AKT3: variants seen among roughly 807,000 people sequenced by gnomAD.
The protein encoded by AKT3 is RAC-gamma serine/threonine-protein kinase.
Under a neutral mutation model 65.3 loss-of-function variants are expected in AKT3, and 15 were observed. That is an observed-to-expected ratio of 0.23 (90% CI 0.15 to 0.35). The LOEUF is 0.35. Ranked by LOEUF, AKT3 falls within the 10% of genes least tolerant of loss-of-function variation. AKT3 has a pLI of 1.00. For missense variants in AKT3, 243 were observed against 576.5 expected (o/e 0.42, Z 5.92); for synonymous variants, 206 against 183.8 (o/e 1.12, Z -0.98).
At chr1:243,547,016 A>T (rs1672720111) in intron 11 of AKT3, 1 of 152,234 alleles carries the variant, frequency 6.6e-6, no homozygotes, top group African/African-American at 2.4e-5. Context: ...ATGGTGGAAG[A>T]AGATTCATTT....
chr1:243,834,849 A>G (rs1465826817), intron 2 of AKT3, among the ~76,000 whole-genome samples: 1 of 152,180 alleles, frequency 6.6e-6, no homozygotes, highest in Non-Finnish European at 1.5e-5. Flanking sequence ...AGTGTAAATG[A>G]CCATACTTTT....
chr1:243,546,303 T>C (rs926573808), intron 11 of AKT3, among the ~76,000 whole-genome samples: 8 of 152,162 alleles, frequency 5.3e-5, no homozygotes, highest in Non-Finnish European at 8.8e-5. Context: ...TATTTCTTCA[T>C]AGCAGAATGA....
chr1:243,572,479 A>G (rs1674633488), intron 9 of AKT3, among the ~76,000 whole-genome samples: 2 of 152,224 alleles, frequency 1.3e-5, no homozygotes, highest in African/African-American at 4.8e-5. Flanking sequence ...TTTCATAAAT[A>G]AAACACGAGG....
chr1:243,641,689 A>G (rs1005940118), intron 5 of AKT3, among the ~76,000 whole-genome samples: 87 of 152,096 alleles, frequency 5.7e-4, no homozygotes, highest in Non-Finnish European at 7.2e-4. Flanking sequence ...TAATCCCACA[A>G]TTTGAAAGAC....
intron 13 of AKT3, among the ~76,000 whole-genome samples, chr1:243,508,918 C>T (rs191256044): frequency 4.1e-4 from 62 of 152,114 alleles, no homozygotes; most frequent in African/African-American, 1.2e-3. Context: ...GTGATCCACC[C>T]GCCTTGGCCT....
chr1:243,773,078 T>C (rs1210135225), intron 2 of AKT3, among the ~76,000 whole-genome samples: 7 of 150,436 alleles, frequency 4.7e-5, no homozygotes, highest in Admixed American at 1.3e-4. Context: ...AGGAGATATA[T>C]CTAATGTAAA....
At chr1:243,723,063 A>C (rs888546949) in intron 2 of AKT3, among the ~76,000 whole-genome samples, 1 of 152,216 alleles carries the variant, frequency 6.6e-6, no homozygotes, top group Non-Finnish European at 1.5e-5. Flanking sequence ...AATAAATCAT[A>C]AACATTTTTC....
chr1:243,624,116 T>C (rs922347955), intron 6 of AKT3, among the ~76,000 whole-genome samples: 2 of 152,136 alleles, frequency 1.3e-5, no homozygotes, highest in East Asian at 3.9e-4. Context: ...GTAGGACTCA[T>C]TAAAGCATGG....
In AKT3 at chr1:243,781,908, G is replaced by A. The variant is rs755336368; in HGVS notation, c.46+61217C>T. On this transcript the variant is annotated intron_variant, in intron 2 of 13. Transcript: ENST00000673466. Reference sequence around the variant, plus strand: ...CACAATCACAGCTCACTGCAGCCTCGACCTTCTGAGCCCAAGCAATCCTCC... The same window carrying A: ...CACAATCACAGCTCACTGCAGCCTCAACCTTCTGAGCCCAAGCAATCCTCC... Among the ~76,000 whole-genome samples the A allele has an allele frequency of 2.6e-5, 4 of 152,090 alleles. No individual in the cohort carries two copies. The East Asian group carries it at 5.8e-4, about 22-fold the overall frequency.
intron 8 of AKT3, among the ~76,000 whole-genome samples, chr1:243,601,850 A>C (rs1677028411): frequency 6.6e-6 from 1 of 152,204 alleles, no homozygotes; most frequent in Admixed American, 6.5e-5. Context: ...TTTGATATTT[A>C]AATACTGTTT....
chr1:243,592,073 C>A (rs1676265694), intron 8 of AKT3, among the ~76,000 whole-genome samples: 1 of 152,140 alleles, frequency 6.6e-6, no homozygotes, highest in African/African-American at 2.4e-5. Flanking sequence ...CGGTAGCTCA[C>A]ACGTGTAATC....
At chr1:243,496,329 C>T (rs550478760), downstream of AKT3, among the ~76,000 whole-genome samples, 2 of 152,268 alleles carry the variant, frequency 1.3e-5, no homozygotes, top group East Asian at 1.9e-4. Flanking sequence ...GCCCAGAACA[C>T]GAGGCGGAGG....
At chr1:243,595,980 C>A (rs981374253) in intron 8 of AKT3, among the ~76,000 whole-genome samples, 1 of 152,222 alleles carries the variant, frequency 6.6e-6, no homozygotes, top group African/African-American at 2.4e-5. Flanking sequence ...ACCGGCAGCA[C>A]AGGTTTGCTT....
intron 2 of AKT3, among the ~76,000 whole-genome samples, chr1:243,768,001 G>C (rs973974941): frequency 3.3e-5 from 5 of 150,882 alleles, no homozygotes; most frequent in African/African-American, 1.2e-4. Context: ...TAGAGAGGGG[G>C]AAAAAAATAA....
intron 10 of AKT3, 121 bp downstream of exon 10, chr1:243,563,599 G>C (rs1373145400): frequency 7.9e-7 from 1 of 1,263,430 alleles, no homozygotes; most frequent in African/African-American, 1.5e-5. Context: ...AAAAAATTTT[G>C]ATTCAGGTTG....
intron 2 of AKT3, among the ~76,000 whole-genome samples, chr1:243,820,153 T>G (rs1330561140): frequency 6.6e-6 from 1 of 152,130 alleles, no homozygotes; most frequent in Non-Finnish European, 1.5e-5. Context: ...TCTCCTGATC[T>G]CATGATCCAC....
chr1:243,563,606 G>A, intron 10 of AKT3, 114 bp downstream of exon 10: 1 of 1,325,784 alleles, frequency 7.5e-7, no homozygotes, highest in Non-Finnish European at 1.0e-6. Flanking sequence ...TTTGATTCAG[G>A]TTGAAATATA....
At chr1:243,764,534 C>G (rs1689695134) in intron 2 of AKT3, among the ~76,000 whole-genome samples, 2 of 152,006 alleles carry the variant, frequency 1.3e-5, no homozygotes, top group Admixed American at 6.6e-5. Context: ...AAAACTTTCA[C>G]TAAAATTTAT....
At chr1:243,598,433 A>G (rs320302) in intron 8 of AKT3, among the ~76,000 whole-genome samples, 25,781 of 152,130 alleles carry the variant, frequency 0.17, 2,338 homozygotes, top group South Asian at 0.3. Flanking sequence ...CTATAGGAAT[A>G]CAGTAATGTA....
Sources: gnomAD v4.1 joint callset for allele counts (sites outside exome capture counted in the v4.1 genomes callset) on GRCh38, gnomAD v4.1.1 for gene constraint, MANE v1.5 for transcripts, NCBI Gene and HGNC (gene_info 2026-07-23, HGNC 2026-07-21) for gene names.